Variants in HOXA3 observed in about 807,000 individuals in gnomAD.
The protein encoded by HOXA3 is homeobox A3, also known as homeobox protein Hox-A3.
Under a neutral mutation model 30.3 loss-of-function variants are expected in HOXA3, and 8 were observed. The ratio of observed to expected loss-of-function variants is 0.26; its 90% CI spans 0.15 to 0.48. The LOEUF (loss-of-function observed/expected upper bound fraction) is 0.48, where lower values mean the gene tolerates loss of function less well. Ranked by LOEUF, HOXA3 falls within the 20% of genes least tolerant of loss-of-function variation. HOXA3 has a pLI of 0.99. For synonymous variants in HOXA3, 323 were observed against 273.1 expected (o/e 1.18, Z -1.80); for missense variants, 653 against 614.4 (o/e 1.06, Z -0.66).
chr7:27,128,597 A>AT (rs753156810), intron 2 of HOXA3: 59 of 155,406 alleles, frequency 3.8e-4, no homozygotes, highest in Non-Finnish European at 6.9e-4. Flanking sequence ...ACAGTTCCAC[A>AT]TAAGTCTAAA....
intron 2 of HOXA3, chr7:27,130,099 C>G (rs1465708745): frequency 1.3e-6 from 2 of 1,587,126 alleles, no homozygotes; most frequent in Middle Eastern, 1.7e-4. Context: ...TCCCGCGCCT[C>G]CCAAGCGGCG....
At position 27,152,367 on chromosome 7, in the gene HOXA3, T is replaced by G. The variant is rs1047973834; in HGVS notation, c.-573A>C. ...AGCCCGAGAGAAGAATTGTCCTCTT[T>G]CCTGGTGCCAGAGGACGCAGGAAAT... On this transcript the variant is annotated 5_prime_UTR_variant, in exon 1 of 6. Coordinates refer to ENST00000612286, the MANE Select transcript of HOXA3 (RefSeq NM_153631.3). 1 of 1,205,310 alleles carries G rather than the reference T, an allele frequency of 8.3e-7. No homozygotes were observed. Among genetic ancestry groups the G allele is most frequent in the South Asian group, 1.4e-5 (1 of 69,940 alleles). The allele number at this position is 1,205,310 out of a possible 1,614,324, so 74.7% of individuals were successfully genotyped here.
At chr7:27,130,049 T>A in intron 2 of HOXA3, 1 of 1,496,938 alleles carries the variant, frequency 6.7e-7, no homozygotes, top group South Asian at 1.2e-5. Context: ...CTCTCCCTCC[T>A]GACCCCGACC....
At chr7:27,128,995 C>T (rs1251129764) in intron 2 of HOXA3, 3 of 590,124 alleles carry the variant, frequency 5.1e-6, no homozygotes, top group Non-Finnish European at 9.1e-6. Context: ...TGTTTCGGGC[C>T]AGCAGGTTGT....
chr7:27,145,974 C>T (rs1782747465), intron 1 of HOXA3: 1 of 1,554,930 alleles, frequency 6.4e-7, no homozygotes, highest in Non-Finnish European at 8.7e-7. Context: ...TTGACCCAGT[C>T]AGCCCAGTGC....
rs762783980 is a variant in HOXA3, at chr7:27,110,471, C to G, written c.170G>C (p.Ser57Thr). ...GTGTGCCTTGGGGTGGCCCCCGGCG[C>G]TGGAGGGAGACTGGAGGGAGCAGGC... ...RPACSLQSPSSAGGHPKAHEL... is the reference protein window; with the variant it reads ...RPACSLQSPSTAGGHPKAHEL... The change falls in exon 5 of 6, where the codon AGC becomes ACC. Residue 57 changes from serine (S) to threonine (T), a missense_variant. Ser to Thr is a moderately conservative substitution (Grantham distance 58). This residue lies in a region of HOXA3 where 320 missense variants were observed against 321.9 expected (regional missense o/e 0.99). Transcript: ENST00000612286. The G allele has an allele frequency of 1.3e-6, 2 of 1,599,196 alleles. No homozygotes were observed. The highest frequency in any genetic ancestry group is 1.1e-5 in the South Asian group (1 of 90,130).
intron 1 of HOXA3, among the ~76,000 whole-genome samples, chr7:27,145,011 C>T (rs1358664210): frequency 6.6e-6 from 1 of 152,208 alleles, no homozygotes; most frequent in African/African-American, 2.4e-5. Flanking sequence ...TAACTCGCCT[C>T]GGCTGAGGCT....
chr7:27,130,062 C>G (rs1785456066), intron 2 of HOXA3: 1 of 1,528,072 alleles, frequency 6.5e-7, no homozygotes, highest in Non-Finnish European at 8.8e-7. Flanking sequence ...CCCCGACCCT[C>G]GAACCCAGGC....
At chr7:27,143,234 G>A (rs1410329471) in intron 1 of HOXA3, 2 of 1,609,620 alleles carry the variant, frequency 1.2e-6, no homozygotes, top group East Asian at 4.5e-5. Context: ...GGCGCCGCTG[G>A]AGTTGCTTAG....
chr7:27,121,346 G>T (rs1463629923), intron 4 of HOXA3, among the ~76,000 whole-genome samples: 1 of 151,930 alleles, frequency 6.6e-6, no homozygotes, highest in Non-Finnish European at 1.5e-5. Context: ...GGACACGTGT[G>T]GATGTGTATA....
chr7:27,136,580 G>C (rs1246138442), intron 2 of HOXA3, among the ~76,000 whole-genome samples: 1 of 152,200 alleles, frequency 6.6e-6, no homozygotes, highest in Admixed American at 6.5e-5. Context: ...AGCGTGCTCT[G>C]CTGGCGATTC....
chr7:27,140,039 C>G (rs1782505479), intron 2 of HOXA3, 44 bp downstream of exon 2: 1 of 125,734 alleles, frequency 8.0e-6, no homozygotes, highest in South Asian at 2.3e-4. Flanking sequence ...GAGAAAGTTT[C>G]CAAAGTACAA....
chr7:27,119,111 A>T (rs1437043663), intron 4 of HOXA3, among the ~76,000 whole-genome samples: 3 of 152,100 alleles, frequency 2.0e-5, no homozygotes, highest in Non-Finnish European at 4.4e-5. Context: ...AAACATAAAA[A>T]ATATCAGAGG....
At position 27,118,370 on chromosome 7, in the gene HOXA3, CA is replaced by C. The variant is rs1327347224; in HGVS notation, c.-121+4188del. On this transcript the variant is annotated intron_variant, in intron 4 of 5. Transcript: ENST00000612286. ...GCGAAGCCTGTCTGGGTCTCCGCTC[CA>C]AATGCCACAATAATGCGCTGTATTA... Among the ~76,000 whole-genome samples, 20 of 152,320 alleles carry C rather than the reference CA, an allele frequency of 1.3e-4. No homozygotes were observed. The South Asian group carries it at 2.7e-3, about 21-fold the overall frequency.
At chr7:27,142,948 G>T in intron 1 of HOXA3, 1 of 1,150,772 alleles carries the variant, frequency 8.7e-7, no homozygotes, top group Non-Finnish European at 1.2e-6. Flanking sequence ...TGGGAGAAAT[G>T]AGACCAAGAG....
At chr7:27,143,321 G>A (rs1782641341) in intron 1 of HOXA3, 2 of 1,598,960 alleles carry the variant, frequency 1.3e-6, no homozygotes, top group African/African-American at 2.7e-5. Flanking sequence ...ATCGGGCTGA[G>A]GAGAGTGCGT....
intron 1 of HOXA3, among the ~76,000 whole-genome samples, chr7:27,146,236 GGTGT>G (rs1170483226): frequency 8.8e-6 from 1 of 113,644 alleles, no homozygotes; most frequent in African/African-American, 3.3e-5. Flanking sequence ...GGGGATGCAG[GGTGT>G]GTGTGTGTGT....
intron 4 of HOXA3, among the ~76,000 whole-genome samples, chr7:27,118,736 A>G (rs1196107742): frequency 6.6e-6 from 1 of 152,172 alleles, no homozygotes; most frequent in Admixed American, 6.5e-5. Flanking sequence ...ACACCCATGC[A>G]CCCCAGTCTC....
chr7:27,143,195 CTGA>C lies in HOXA3; in HGVS notation c.-493-3012_-493-3010del, dbSNP rs757614432. 2.1e-5 allele frequency: 34 copies of C among 1,611,404 alleles called. 1 individual carries two copies. In the South Asian group the frequency reaches 3.6e-4, roughly 17 times the overall value. On this transcript the variant is annotated intron_variant, in intron 1 of 5. Coordinates refer to ENST00000612286, the MANE Select transcript of HOXA3 (RefSeq NM_153631.3). ...CGCCGTGCCAACCCCCTCTCTGCTG[CTGA>C]TGTGGGTGCTGCCGGCGTCGGCCGA...
Sources: allele counts gnomAD v4.1 joint callset (sites outside exome capture counted in the v4.1 genomes callset), GRCh38; gene constraint gnomAD v4.1.1; regional missense constraint gnomAD v4.1.1; transcripts MANE v1.5; gene names NCBI Gene and HGNC (gene_info 2026-07-23, HGNC 2026-07-21).